GALNTL6: variants seen among roughly 807,000 people sequenced by gnomAD.
GALNTL6 encodes the protein polypeptide N-acetylgalactosaminyltransferase like 6, also known as polypeptide N-acetylgalactosaminyltransferase-like 6.
Under a neutral mutation model 73.7 loss-of-function variants are expected in GALNTL6, and 46 were observed. The observed-to-expected ratio is 0.62, with a 90% CI of 0.49 to 0.80. The LOEUF (loss-of-function observed/expected upper bound fraction) is 0.80, where lower values mean the gene tolerates loss of function less well. Among genes scored for constraint, GALNTL6 ranks in the 30% least tolerant of loss-of-function variants. The pLI is 0.00. For synonymous variants in GALNTL6, 259 were observed against 263.7 expected (o/e 0.98, Z 0.17); for missense variants, 604 against 755.0 (o/e 0.80, Z 2.34).
chr4:172,531,253 C>T (rs1360668001), intron 5 of GALNTL6, among the ~76,000 whole-genome samples: 2 of 152,088 alleles, frequency 1.3e-5, no homozygotes, highest in African/African-American at 2.4e-5. Context: ...CAAAAAGTGG[C>T]TCATGCAAGA....
chr4:172,682,779 C>T (rs1732698191), intron 5 of GALNTL6, among the ~76,000 whole-genome samples: 1 of 152,006 alleles, frequency 6.6e-6, no homozygotes. Context: ...ACAATTTTAA[C>T]CTGGTCAGTT....
chr4:172,834,078 T>C (rs1354556116), intron 7 of GALNTL6, among the ~76,000 whole-genome samples: 1 of 152,020 alleles, frequency 6.6e-6, no homozygotes, highest in Non-Finnish European at 1.5e-5. Flanking sequence ...GATTGCACTA[T>C]TGCACTCCAG....
At chr4:172,436,146 C>T (rs763056914) in intron 5 of GALNTL6, among the ~76,000 whole-genome samples, 14 of 152,032 alleles carry the variant, frequency 9.2e-5, no homozygotes, top group South Asian at 4.1e-4. Flanking sequence ...GTTAATAATA[C>T]GTTTAAAATC....
chr4:172,984,702 C>T (rs1751219624), intron 10 of GALNTL6, among the ~76,000 whole-genome samples: 1 of 152,072 alleles, frequency 6.6e-6, no homozygotes, highest in African/African-American at 2.4e-5. Flanking sequence ...AGTAGAAGCC[C>T]AAACCTCAGT....
chr4:172,864,550 A>G (rs1048715837), intron 7 of GALNTL6, among the ~76,000 whole-genome samples: 5 of 152,216 alleles, frequency 3.3e-5, no homozygotes, highest in African/African-American at 7.2e-5. Flanking sequence ...CTTATATAAC[A>G]GTTTGCTGTT....
intron 5 of GALNTL6, among the ~76,000 whole-genome samples, chr4:172,465,486 A>G (rs2111451744): frequency 6.6e-6 from 1 of 152,126 alleles, no homozygotes; most frequent in South Asian, 2.1e-4. Flanking sequence ...CAAAAAAAGA[A>G]AAAAAAAGAA....
intron 8 of GALNTL6, among the ~76,000 whole-genome samples, chr4:172,912,854 T>C (rs111458124): frequency 0.12 from 18,976 of 152,188 alleles, 1,635 homozygotes; most frequent in Admixed American, 0.25. Context: ...TCTGACAGCT[T>C]TGAAGAGAGC....
intron 2 of GALNTL6, among the ~76,000 whole-genome samples, chr4:172,127,929 C>T (rs898749769): frequency 2.6e-5 from 4 of 151,830 alleles, no homozygotes; most frequent in Non-Finnish European, 4.4e-5. Flanking sequence ...ATGGTAAAAC[C>T]CCGTCTCTAC....
At chr4:172,697,257 C>A (rs961487963) in intron 5 of GALNTL6, among the ~76,000 whole-genome samples, 2 of 152,150 alleles carry the variant, frequency 1.3e-5, no homozygotes, top group African/African-American at 2.4e-5. Context: ...TTTAGACCAG[C>A]AATAGAATTG....
At chr4:171,821,214 A>T (rs995510593) in intron 2 of GALNTL6, among the ~76,000 whole-genome samples, 7 of 151,696 alleles carry the variant, frequency 4.6e-5, no homozygotes, top group Non-Finnish European at 5.9e-5. Flanking sequence ...TTTTTAAAAA[A>T]TTTTTTTTGT....
At chr4:172,464,711 A>AAAT (rs541423027) in intron 5 of GALNTL6, among the ~76,000 whole-genome samples, 13,294 of 151,026 alleles carry the variant, frequency 0.088, 675 homozygotes, top group Middle Eastern at 0.18. Context: ...TCTGTCTCAA[A>AAAT]AATAATAATA....
intron 2 of GALNTL6, among the ~76,000 whole-genome samples, chr4:171,852,137 C>G (rs1735539454): frequency 6.6e-6 from 1 of 152,124 alleles, no homozygotes. Flanking sequence ...TACTGAAATA[C>G]ATACAGACTC....
Position 172,685,833 on chromosome 4 carries a change from G to T in GALNTL6, c.554-123528G>T, listed in dbSNP as rs186011392. On this transcript the variant is annotated intron_variant, in intron 5 of 12. Transcript: ENST00000506823. ...GAAGGAGCGGGGATGTCTACTTCTG[G>T]CATCATATTTTTCTCCATCCCTTTG... 4.3e-4 allele frequency among the ~76,000 whole-genome samples: 66 copies of T among 152,172 alleles called. 1 individual carries two copies. Among genetic ancestry groups the T allele is most frequent in the Non-Finnish European group, 1.0e-4 (7 of 68,006 alleles).
chr4:172,420,967 A>G (rs543219661), intron 5 of GALNTL6, among the ~76,000 whole-genome samples: 1 of 151,992 alleles, frequency 6.6e-6, no homozygotes, highest in South Asian at 2.1e-4. Flanking sequence ...AACAATGAGA[A>G]CACATGGACA....
intron 5 of GALNTL6, among the ~76,000 whole-genome samples, chr4:172,584,131 T>A (rs1217882608): frequency 2.7e-5 from 4 of 150,384 alleles, no homozygotes; most frequent in African/African-American, 7.4e-5. Context: ...AATAAGTAAT[T>A]GCAAAAAAAA....
chr4:172,952,495 TTTTG>T (rs1307866259), intron 10 of GALNTL6, among the ~76,000 whole-genome samples: 18 of 152,088 alleles, frequency 1.2e-4, no homozygotes, highest in African/African-American at 1.4e-4. Flanking sequence ...CCCAGATGAT[TTTTG>T]TTTGTTTGTT....
At chr4:172,656,006 A>G (rs572944291) in intron 5 of GALNTL6, among the ~76,000 whole-genome samples, 3 of 152,366 alleles carry the variant, frequency 2.0e-5, no homozygotes, top group Admixed American at 2.0e-4. Context: ...ATTATTAAAA[A>G]TGCACCATAT....
chr4:172,402,763 T>C (rs780475873), intron 5 of GALNTL6, among the ~76,000 whole-genome samples: 1 of 152,034 alleles, frequency 6.6e-6, no homozygotes, highest in Non-Finnish European at 1.5e-5. Context: ...AACTGAGCTG[T>C]TTGATCATTT....
At chr4:171,833,843 A>G (rs978406286) in intron 2 of GALNTL6, among the ~76,000 whole-genome samples, 1 of 151,846 alleles carries the variant, frequency 6.6e-6, no homozygotes, top group South Asian at 2.1e-4. Context: ...CCTATCAAAT[A>G]GCTACATTTC....
Sources: gnomAD v4.1 joint callset for allele counts (sites outside exome capture counted in the v4.1 genomes callset) on GRCh38, gnomAD v4.1.1 for gene constraint, MANE v1.5 for transcripts, NCBI Gene and HGNC (gene_info 2026-07-23, HGNC 2026-07-21) for gene names.